Variants in FOCAD observed in about 807,000 individuals in gnomAD.
The protein encoded by FOCAD is KIAA1797.
FOCAD carries 198 observed loss-of-function variants against 225.6 expected under a neutral mutation model. The ratio of observed to expected loss-of-function variants is 0.88; its 90% CI spans 0.78 to 0.99. FOCAD has a LOEUF of 0.99. FOCAD is among the 50% of genes least tolerant of loss of function. The pLI, the probability that FOCAD is intolerant of heterozygous loss-of-function variation, is 0.00. For missense variants in FOCAD, 2,713 were observed against 2,123.6 expected (o/e 1.28, Z -5.46); for synonymous variants, 897 against 755.0 (o/e 1.19, Z -3.08).
chr9:20,938,777 AT>A (rs1280873079), intron 28 of FOCAD, among the ~76,000 whole-genome samples: 1 of 152,060 alleles, frequency 6.6e-6, no homozygotes, highest in Non-Finnish European at 1.5e-5. Flanking sequence ...TATCTTACCA[AT>A]TTTTAAGAAT....
chr9:20,946,637 A>G (rs2132337668), intron 29 of FOCAD, 64 bp from the exon 30 acceptor site: 23 of 1,550,744 alleles, frequency 1.5e-5, no homozygotes, highest in South Asian at 1.4e-4. Context: ...TATCTTGTCA[A>G]CTAAACCGAG....
intron 15 of FOCAD, among the ~76,000 whole-genome samples, chr9:20,835,335 G>T (rs1825893745): frequency 6.6e-6 from 1 of 151,966 alleles, no homozygotes; most frequent in Non-Finnish European, 1.5e-5. Flanking sequence ...AAATTAACTT[G>T]GAAATGTGTT....
At chr9:20,878,693 T>G (rs775783536) in intron 19 of FOCAD, among the ~76,000 whole-genome samples, 14 of 152,170 alleles carry the variant, frequency 9.2e-5, no homozygotes, top group Non-Finnish European at 2.1e-4. Context: ...GGGGACCGAT[T>G]AGGATAATTG....
At chr9:20,825,146 C>CGTGCGT (rs1554696204) in intron 15 of FOCAD, among the ~76,000 whole-genome samples, 3 of 138,990 alleles carry the variant, frequency 2.2e-5, no homozygotes, top group East Asian at 4.2e-4. Flanking sequence ...TCAAGCTTTG[C>CGTGCGT]GTGTGTGTGT....
chr9:20,696,355 G>A (rs1433082070), intron 1 of FOCAD, among the ~76,000 whole-genome samples: 1 of 152,052 alleles, frequency 6.6e-6, no homozygotes, highest in Admixed American at 6.5e-5. Context: ...CACACACAAT[G>A]GTAACAAGAT....
intron 37 of FOCAD, among the ~76,000 whole-genome samples, chr9:20,979,480 A>G (rs1473495939): frequency 6.6e-6 from 1 of 152,152 alleles, no homozygotes; most frequent in East Asian, 1.9e-4. Flanking sequence ...CTGGGACTAT[A>G]GGTGTGCACC....
At chr9:20,862,875 A>T in intron 16 of FOCAD, 163 bp downstream of exon 16, 1 of 541,990 alleles carries the variant, frequency 1.8e-6, no homozygotes. Flanking sequence ...GCTCCTCATC[A>T]ATCTTATGTC....
chr9:20,806,644 T>C (rs1216163366), intron 11 of FOCAD, among the ~76,000 whole-genome samples: 1 of 152,210 alleles, frequency 6.6e-6, no homozygotes. Context: ...TGAAAAAACA[T>C]TGTAAAGTAC....
chr9:20,944,992 C>G (rs892622710), intron 29 of FOCAD, among the ~76,000 whole-genome samples: 2 of 152,132 alleles, frequency 1.3e-5, no homozygotes, highest in Non-Finnish European at 2.9e-5. Context: ...AGATAAGAGC[C>G]TTTAGTGAAT....
intron 15 of FOCAD, among the ~76,000 whole-genome samples, chr9:20,844,857 T>C (rs1451526060): frequency 1.2e-4 from 18 of 152,180 alleles, no homozygotes; most frequent in Non-Finnish European, 4.4e-5. Context: ...GAGTGATTTT[T>C]GTTTCTCTTT....
chr9:20,738,917 G>A (rs1325754538), intron 4 of FOCAD, among the ~76,000 whole-genome samples: 1 of 151,956 alleles, frequency 6.6e-6, no homozygotes, highest in Non-Finnish European at 1.5e-5. Flanking sequence ...ATTATACATG[G>A]TATTTAATAT....
At chr9:20,899,774 A>T (rs1832408539) in intron 21 of FOCAD, among the ~76,000 whole-genome samples, 1 of 151,796 alleles carries the variant, frequency 6.6e-6, no homozygotes, top group South Asian at 2.1e-4. Flanking sequence ...ATATCCTCTT[A>T]TTTTCAAAAA....
chr9:20,966,646 G>A (rs973237300), intron 35 of FOCAD, among the ~76,000 whole-genome samples: 12 of 152,112 alleles, frequency 7.9e-5, no homozygotes, highest in African/African-American at 2.7e-4. Flanking sequence ...GATTGGTTTA[G>A]TCCTTATATT....
intron 3 of FOCAD, among the ~76,000 whole-genome samples, chr9:20,719,896 C>T: frequency 6.8e-6 from 1 of 146,644 alleles, no homozygotes; most frequent in East Asian, 2.0e-4. Context: ...GTGGCAAGGG[C>T]ATTGTGGGTG....
At chr9:20,662,825 A>G (rs1488983207) in intron 2 of FOCAD, among the ~76,000 whole-genome samples, 1 of 152,192 alleles carries the variant, frequency 6.6e-6, no homozygotes, top group Non-Finnish European at 1.5e-5. Context: ...TCAGGAATAT[A>G]TTTTGATAAC....
At chr9:20,926,533 C>T in intron 26 of FOCAD, 116 bp downstream of exon 26, 1 of 665,806 alleles carries the variant, frequency 1.5e-6, no homozygotes. Flanking sequence ...CCTGTAATCC[C>T]AGCACTTTGG....
At chr9:20,742,132 AGG>A (rs1023129803) in intron 5 of FOCAD, among the ~76,000 whole-genome samples, 3 of 152,184 alleles carry the variant, frequency 2.0e-5, no homozygotes, top group African/African-American at 7.2e-5. Flanking sequence ...CTCCCCTCTC[AGG>A]GAAGTATTTT....
chr9:20,692,100 A>G (rs1227200344), intron 1 of FOCAD, among the ~76,000 whole-genome samples: 1 of 151,978 alleles, frequency 6.6e-6, no homozygotes, highest in East Asian at 1.9e-4. Context: ...CCAAATTTAT[A>G]TTTTCAGCCT....
Position 20,850,702 on chromosome 9 carries a change from C to G in FOCAD, c.1921-11876C>G, listed in dbSNP as rs181313568. 1.8e-3 allele frequency among the ~76,000 whole-genome samples: 266 copies of G among 151,488 alleles called. 1 individual carries two copies. The highest frequency in any genetic ancestry group is 7.7e-3 in the Admixed American group (117 of 15,118). ...CTTTTATCATATATGATTTAATTGG[C>G]ACAATTTAAATTGGTATAATTGGAA... On this transcript the variant is annotated intron_variant, in intron 15 of 43. Transcript: ENST00000338382.
Sources: gnomAD v4.1 joint callset for allele counts (sites outside exome capture counted in the v4.1 genomes callset) on GRCh38, gnomAD v4.1.1 for gene constraint, MANE v1.5 for transcripts, NCBI Gene and HGNC (gene_info 2026-07-23, HGNC 2026-07-21) for gene names.